Variants in GRIK3 observed in about 807,000 individuals in gnomAD.
GRIK3 encodes glutamate ionotropic receptor kainate type subunit 3.
In GRIK3, 29 loss-of-function variants were observed where a neutral mutation model predicts 102.5. The ratio of observed to expected loss-of-function variants is 0.28; its 90% CI spans 0.21 to 0.39. GRIK3 has a LOEUF of 0.39. Ranked by LOEUF, GRIK3 falls within the 10% of genes least tolerant of loss-of-function variation. The pLI is 1.00. For missense variants in GRIK3, 908 were observed against 1,252.4 expected (o/e 0.73, Z 4.15); for synonymous variants, 511 against 504.9 (o/e 1.01, Z -0.16).
chr1:36,941,880 G>A (rs1481991714), intron 1 of GRIK3, among the ~76,000 whole-genome samples: 1 of 152,172 alleles, frequency 6.6e-6, no homozygotes, highest in Non-Finnish European at 1.5e-5. Flanking sequence ...CAAGGAAAGC[G>A]AGTTCAAGCT....
chr1:36,949,596 T>C (rs934518842), intron 1 of GRIK3, among the ~76,000 whole-genome samples: 38 of 141,572 alleles, frequency 2.7e-4, no homozygotes, highest in African/African-American at 1.0e-3. Context: ...TTTTTTTTTT[T>C]TGAGTCTCGC....
At chr1:36,986,416 G>GTCCGTCCATCCA (rs139936242) in intron 1 of GRIK3, among the ~76,000 whole-genome samples, 1 of 130,678 alleles carries the variant, frequency 7.7e-6, no homozygotes, top group Admixed American at 7.6e-5. Flanking sequence ...CCATCTCTCT[G>GTCCGTCCATCCA]TCCATCCATC....
Position 36,806,306 on chromosome 1 carries a change from G to C in GRIK3, c.2112C>G (p.Phe704Leu). The C allele has an allele frequency of 6.2e-7, 1 of 1,613,206 alleles. No homozygotes were observed. Among genetic ancestry groups the C allele is most frequent in the Non-Finnish European group, 8.5e-7 (1 of 1,179,294 alleles). The part of the protein sequence containing the change: ...TFFKKSKIST[F>L]EKMWAFMSSK... ...TGCTCATGAAGGCCCACATCTTCTCGAAGGTGGAGATCTTGGATTTCTGGG... is the reference window on the plus strand; with the variant it reads ...TGCTCATGAAGGCCCACATCTTCTCCAAGGTGGAGATCTTGGATTTCTGGG... Residue 704 changes from phenylalanine (F) to leucine (L), a missense_variant, in exon 14 of 16, where the codon TTC becomes TTG. This residue lies in a region of GRIK3 where 297 missense variants were observed against 362.7 expected (regional missense o/e 0.82). Transcript: ENST00000373091. This position sits in a 1 kb window ranked among gnomAD's most constrained non-coding sequence, Gnocchi z 4.0.
intron 1 of GRIK3, among the ~76,000 whole-genome samples, chr1:37,028,380 A>C (rs769563716): frequency 2.9e-4 from 44 of 152,052 alleles, no homozygotes; most frequent in Non-Finnish European, 5.4e-4. Flanking sequence ...GCTTAGATTA[A>C]AGCCTCAAGC....
chr1:36,960,998 G>A (rs1488895271), intron 1 of GRIK3, among the ~76,000 whole-genome samples: 1 of 152,228 alleles, frequency 6.6e-6, no homozygotes, highest in East Asian at 1.9e-4. Flanking sequence ...TGGGTCAGTG[G>A]TCATTCCACT....
chr1:36,831,697 G>A (rs780869296), intron 10 of GRIK3, among the ~76,000 whole-genome samples: 1 of 152,170 alleles, frequency 6.6e-6, no homozygotes, highest in Admixed American at 6.5e-5. Flanking sequence ...TGGCAACTGC[G>A]GGCCACACAT....
chr1:36,961,410 GCAGA>G (rs1416976994), intron 1 of GRIK3, among the ~76,000 whole-genome samples: 3 of 147,224 alleles, frequency 2.0e-5, no homozygotes, highest in African/African-American at 7.6e-5. Context: ...GGAAAAAAAA[GCAGA>G]AGAGAGAGGA....
At chr1:36,959,755 G>A (rs1403510377) in intron 1 of GRIK3, among the ~76,000 whole-genome samples, 1 of 123,348 alleles carries the variant, frequency 8.1e-6, no homozygotes, top group Non-Finnish European at 1.8e-5. Context: ...GCCCCATTGA[G>A]TCTGTGTGCC....
At chr1:36,929,560 C>T (rs970299723) in intron 1 of GRIK3, among the ~76,000 whole-genome samples, 2 of 152,128 alleles carry the variant, frequency 1.3e-5, no homozygotes, top group African/African-American at 4.8e-5. Context: ...GTTTGAGAAA[C>T]CCTGGGTTAA....
chr1:36,808,052 C>T (rs567192669), intron 13 of GRIK3, among the ~76,000 whole-genome samples: 110 of 152,368 alleles, frequency 7.2e-4, no homozygotes, highest in Admixed American at 1.8e-3. Flanking sequence ...CGCTCTCCCA[C>T]TTCCTCAGCT....
At position 36,801,040 on chromosome 1, in the gene GRIK3, C is replaced by T. The variant is rs1046818179; in HGVS notation, c.*811G>A. On this transcript the variant is annotated 3_prime_UTR_variant, in exon 16 of 16. Coordinates refer to ENST00000373091, the MANE Select transcript of GRIK3 (RefSeq NM_000831.4). ...AATACCGGCTGCATCTTTGGGCATCCTTTGTGAGAAATTCAGGGGGTCCTC... is the reference window on the plus strand; with the variant it reads ...AATACCGGCTGCATCTTTGGGCATCTTTTGTGAGAAATTCAGGGGGTCCTC... The T allele has an allele frequency of 6.6e-5, 10 of 152,160 alleles. No homozygotes were observed. Among genetic ancestry groups the T allele is most frequent in the African/African-American group, 2.4e-4 (10 of 41,414 alleles). The allele number at this position is 152,160 out of a possible 1,614,324, so 9.4% of individuals were successfully genotyped here. A position where few individuals can be genotyped will look rare whatever the true frequency, so the allele number is the denominator to read the frequency against.
At chr1:36,962,736 G>A (rs1486931917) in intron 1 of GRIK3, among the ~76,000 whole-genome samples, 7 of 151,792 alleles carry the variant, frequency 4.6e-5, no homozygotes, top group Non-Finnish European at 2.9e-5. Context: ...CAAGCCAGGT[G>A]GATAAAGACC....
chr1:37,008,830 T>C (rs1395757534), intron 1 of GRIK3, among the ~76,000 whole-genome samples: 1 of 152,214 alleles, frequency 6.6e-6, no homozygotes. Context: ...GCCAATATCT[T>C]GCCCTGAGTC....
chr1:36,938,074 A>G (rs1641678753), intron 1 of GRIK3, among the ~76,000 whole-genome samples: 1 of 152,246 alleles, frequency 6.6e-6, no homozygotes, highest in Non-Finnish European at 1.5e-5. Flanking sequence ...CCCTTCAGGC[A>G]CTCATGGACT....
chr1:36,855,925 G>A (rs886300059), intron 7 of GRIK3, among the ~76,000 whole-genome samples: 1 of 152,212 alleles, frequency 6.6e-6, no homozygotes, highest in African/African-American at 2.4e-5. Context: ...GCTCAAAGAG[G>A]GACTGAATGA....
At chr1:36,896,665 C>A (rs961410866) in intron 1 of GRIK3, among the ~76,000 whole-genome samples, 8 of 152,082 alleles carry the variant, frequency 5.3e-5, no homozygotes, top group Non-Finnish European at 1.2e-4. Flanking sequence ...CCAGTTATAT[C>A]AATTCTCATT....
chr1:36,945,816 A>T (rs901539143), intron 1 of GRIK3, among the ~76,000 whole-genome samples: 1 of 152,210 alleles, frequency 6.6e-6, no homozygotes, highest in African/African-American at 2.4e-5. Context: ...CAGCTGATGA[A>T]TGGGGACTCT....
rs1435531074 is a variant in GRIK3, at chr1:36,936,592, C to T, written c.116-45496G>A. On this transcript the variant is annotated intron_variant, in intron 1 of 15. Transcript: ENST00000373091. The stretch of plus-strand genomic sequence containing the variant: ...TGTCTGTCCTGCCCCTGACCCACCC[C>T]ATTCCCATTCTCCAGCTTTATTTAC... Among the ~76,000 whole-genome samples the T allele has an allele frequency of 1.3e-5, 2 of 152,184 alleles. 1 individual carries two copies. Among genetic ancestry groups the T allele is most frequent in the African/African-American group, 4.8e-5 (2 of 41,434 alleles).
chr1:36,916,911 G>A (rs1221307990), intron 1 of GRIK3, among the ~76,000 whole-genome samples: 1 of 152,154 alleles, frequency 6.6e-6, no homozygotes, highest in East Asian at 1.9e-4. Flanking sequence ...TGAGAAGAGG[G>A]CCACCATTCT....
Sources: gnomAD v4.1 joint callset for allele counts (sites outside exome capture counted in the v4.1 genomes callset) on GRCh38, gnomAD v4.1.1 for gene constraint, gnomAD v4.1.1 regional missense constraint, Gnocchi (gnomAD v3.1) non-coding constraint, MANE v1.5 for transcripts, NCBI Gene and HGNC (gene_info 2026-07-23, HGNC 2026-07-21) for gene names.